The following CUL2 variants were observed in gnomAD, a reference collection of about 807,000 sequenced individuals.
CUL2 encodes the protein cullin-2.
In CUL2, 22 loss-of-function variants were observed where a neutral mutation model predicts 110.2. That is an observed-to-expected ratio of 0.20 (90% CI 0.14 to 0.28). The LOEUF (loss-of-function observed/expected upper bound fraction) is 0.28. Ranked by LOEUF, CUL2 falls within the 10% of genes least tolerant of loss-of-function variation. The pLI is 1.00. For missense variants in CUL2, 631 were observed against 905.5 expected (o/e 0.70, Z 3.89); for synonymous variants, 279 against 293.2 (o/e 0.95, Z 0.49).
intron 18 of CUL2, 113 bp from the exon 19 acceptor site, chr10:35,013,913 T>G (rs2084965003): frequency 1.5e-6 from 1 of 661,090 alleles, no homozygotes. Flanking sequence ...TCCACTCTCA[T>G]AACTTTTATA....
chr10:35,125,137 G>T (rs1237544855), intron 1 of CUL2, among the ~76,000 whole-genome samples: 1 of 152,156 alleles, frequency 6.6e-6, no homozygotes, highest in Non-Finnish European at 1.5e-5. Context: ...CTTGCCCACA[G>T]CTAACAAGCA....
chr10:35,103,311 T>TA (rs1214461434), intron 1 of CUL2, among the ~76,000 whole-genome samples: 12 of 99,884 alleles, frequency 1.2e-4, no homozygotes, highest in African/African-American at 5.2e-4. Flanking sequence ...CAAGCTAATT[T>TA]TTTTTTTTTT....
chr10:35,023,205 G>A (rs2085247337), intron 17 of CUL2, among the ~76,000 whole-genome samples: 1 of 151,664 alleles, frequency 6.6e-6, no homozygotes, highest in Admixed American at 6.6e-5. Flanking sequence ...ACTGTACACT[G>A]TAAACAGATA....
At chr10:35,021,576 C>A (rs1299501463) in intron 17 of CUL2, among the ~76,000 whole-genome samples, 1 of 151,662 alleles carries the variant, frequency 6.6e-6, no homozygotes. Flanking sequence ...AAACCCATTT[C>A]ATTTACATAT....
At chr10:35,105,735 C>T (rs1306697583) in intron 1 of CUL2, among the ~76,000 whole-genome samples, 1 of 148,448 alleles carries the variant, frequency 6.7e-6, no homozygotes, top group Non-Finnish European at 1.5e-5. Flanking sequence ...AAACCCAAAA[C>T]TAATTACATA....
At chr10:35,032,605 C>T in intron 11 of CUL2, 111 bp from the exon 12 acceptor site, 1 of 707,012 alleles carries the variant, frequency 1.4e-6, no homozygotes, top group Non-Finnish European at 2.3e-6. Context: ...ACATAAAACA[C>T]AGCATTGCCG....
At chr10:35,110,438 G>A (rs889369309) in intron 1 of CUL2, among the ~76,000 whole-genome samples, 17 of 152,216 alleles carry the variant, frequency 1.1e-4, no homozygotes, top group African/African-American at 3.4e-4. Context: ...GGTGGTGCAC[G>A]CCTATAGTCC....
chr10:35,124,634 C>T (rs570326010), intron 1 of CUL2, among the ~76,000 whole-genome samples: 2 of 152,112 alleles, frequency 1.3e-5, no homozygotes, highest in Non-Finnish European at 2.9e-5. Context: ...AACTCTGTGG[C>T]CTTCCTTATA....
intron 1 of CUL2, among the ~76,000 whole-genome samples, chr10:35,124,767 A>C (rs1008536447): frequency 6.6e-6 from 1 of 152,188 alleles, no homozygotes; most frequent in Non-Finnish European, 1.5e-5. Context: ...CTGATATGGG[A>C]AAGAAATGAC....
chr10:35,048,198 T>C (rs564995550), intron 6 of CUL2, among the ~76,000 whole-genome samples: 1 of 144,282 alleles, frequency 6.9e-6, no homozygotes, highest in Non-Finnish European at 1.5e-5. Flanking sequence ...TTAGTTTCCT[T>C]AACTTTAACA....
chr10:35,010,279 ATCT>A lies in CUL2; in HGVS notation c.*29_*31del, dbSNP rs2084866038. ...AACACACCAAATGGTGATGGCAATG[ATCT>A]TCTCACACCACGCTGGAGGAGAGCG... On this transcript the variant is annotated 3_prime_UTR_variant, in exon 21 of 21. Transcript: ENST00000374749. 1.9e-6 allele frequency: 3 copies of A among 1,556,032 alleles called. No individual in the cohort carries two copies. Among genetic ancestry groups the A allele is most frequent in the Non-Finnish European group, 2.6e-6 (3 of 1,148,378 alleles).
intron 4 of CUL2, 137 bp from the exon 5 acceptor site, chr10:35,054,676 A>C: frequency 5.9e-6 from 3 of 509,676 alleles, no homozygotes; most frequent in Non-Finnish European, 6.8e-6. Context: ...AAAGAAATGA[A>C]TTATGTAGAG....
chr10:35,020,568 A>T (rs2085156819), intron 17 of CUL2, among the ~76,000 whole-genome samples: 3 of 152,228 alleles, frequency 2.0e-5, no homozygotes, highest in Non-Finnish European at 2.9e-5. Flanking sequence ...TTCTAGCCTG[A>T]TCCATACTAT....
chr10:35,069,590 T>G (rs752022195), intron 2 of CUL2, among the ~76,000 whole-genome samples: 7 of 150,604 alleles, frequency 4.6e-5, no homozygotes, highest in African/African-American at 1.5e-4. Flanking sequence ...CCATATTAGA[T>G]GGACCAAACA....
rs370804193 is a variant in CUL2 at position 35,121,991 on chromosome 10, C to T, written c.-51+4614G>A. Among the ~76,000 whole-genome samples, 45 of 152,198 alleles carry T rather than the reference C, an allele frequency of 3.0e-4. 1 individual carries two copies. The East Asian group carries it at 8.3e-3, about 28-fold the overall frequency. On this transcript the variant is annotated intron_variant, in intron 1 of 5. Transcript: ENST00000685421. ...TTACCAAACTCAAAAACCAAAAGCA[C>T]GTAAACACACATACACAATGGTATT...
At chr10:35,098,724 A>C (rs1288177898) in intron 2 of CUL2, among the ~76,000 whole-genome samples, 1 of 151,992 alleles carries the variant, frequency 6.6e-6, no homozygotes, top group East Asian at 1.9e-4. Context: ...TGAGGTCAGG[A>C]GTTCGAGACC....
At chr10:35,018,861 C>T (rs2085114025) in intron 17 of CUL2, among the ~76,000 whole-genome samples, 1 of 151,712 alleles carries the variant, frequency 6.6e-6, no homozygotes, top group Admixed American at 6.6e-5. Flanking sequence ...TCATTTATGC[C>T]TTGACATTTC....
intron 1 of CUL2, among the ~76,000 whole-genome samples, chr10:35,115,085 G>A (rs1309686229): frequency 3.3e-5 from 5 of 151,968 alleles, no homozygotes; most frequent in African/African-American, 7.2e-5. Context: ...GATGATGTGC[G>A]CCTTTAATCC....
Position 35,010,344 on chromosome 10 carries a change from C to T in CUL2, c.2205G>A (p.Gln735=). 1.2e-6 allele frequency: 2 copies of T among 1,608,628 alleles called. No individual in the cohort carries two copies. The highest frequency in any genetic ancestry group is 8.5e-7 in the Non-Finnish European group (1 of 1,177,618). The change falls in exon 21 of 21, where the codon CAG becomes CAA. Residue 735 remains glutamine (Q), a synonymous_variant. Transcript: ENST00000374749. The stretch of plus-strand genomic sequence containing the variant: ...CGTAGCTGTATTCATCTGCCGACGC[C>T]TGGCTGCGTTCTATGTATTGTTTGT... ...LIDKQYIERS[Q]ASADEYSYVA
Sources: allele counts gnomAD v4.1 joint callset (sites outside exome capture counted in the v4.1 genomes callset), GRCh38; gene constraint gnomAD v4.1.1; transcripts MANE v1.5; gene names NCBI Gene and HGNC (gene_info 2026-07-23, HGNC 2026-07-21).